The following DLGAP1 variants were observed in gnomAD, a reference collection of about 807,000 sequenced individuals.
DLGAP1 encodes disks large-associated protein 1.
Under a neutral mutation model 90.8 loss-of-function variants are expected in DLGAP1, and 11 were observed. The ratio of observed to expected loss-of-function variants is 0.12; its 90% CI spans 0.08 to 0.20. DLGAP1 has a LOEUF of 0.20. DLGAP1 is among the 10% of genes least tolerant of loss of function. The pLI is 1.00. For synonymous variants in DLGAP1, 558 were observed against 540.7 expected (o/e 1.03, Z -0.44); for missense variants, 1,050 against 1,333.8 (o/e 0.79, Z 3.31).
chr18:4,356,888 C>A (rs765892720), intron 1 of DLGAP1, among the ~76,000 whole-genome samples: 1 of 152,106 alleles, frequency 6.6e-6, no homozygotes, highest in African/African-American at 2.4e-5. Flanking sequence ...CTTTCTAGGA[C>A]GTGCCACATA....
At chr18:3,564,917 A>C (rs2054342586) in intron 9 of DLGAP1, among the ~76,000 whole-genome samples, 1 of 152,164 alleles carries the variant, frequency 6.6e-6, no homozygotes, top group African/African-American at 2.4e-5. Context: ...TTTACTTGCT[A>C]AGATGGAGTG....
intron 4 of DLGAP1, chr18:3,822,036 A>C (rs569570652): frequency 1.0e-6 from 1 of 954,314 alleles, no homozygotes; most frequent in African/African-American, 1.8e-5. Flanking sequence ...AAAAAAAAAA[A>C]AAAAGAGCAA....
At chr18:4,351,580 T>C (rs1396423127) in intron 1 of DLGAP1, among the ~76,000 whole-genome samples, 1 of 152,188 alleles carries the variant, frequency 6.6e-6, no homozygotes, top group Non-Finnish European at 1.5e-5. Flanking sequence ...TTTGAATCCA[T>C]GGCACGTGAA....
At chr18:4,173,397 T>C (rs2077055192) in intron 1 of DLGAP1, among the ~76,000 whole-genome samples, 1 of 152,108 alleles carries the variant, frequency 6.6e-6, no homozygotes. Flanking sequence ...GGCTGAAAGG[T>C]GGGGTCAAAT....
At chr18:3,568,002 G>A (rs112843743) in intron 8 of DLGAP1, among the ~76,000 whole-genome samples, 1,608 of 152,072 alleles carry the variant, frequency 0.011, 26 homozygotes, top group African/African-American at 0.037. Flanking sequence ...GGGTTCAAGG[G>A]ATTCTCCTGC....
intron 2 of DLGAP1, among the ~76,000 whole-genome samples, chr18:4,130,302 T>C (rs937427694): frequency 6.6e-6 from 1 of 152,178 alleles, no homozygotes; most frequent in African/African-American, 2.4e-5. Flanking sequence ...ATACTCATAT[T>C]ACCTCAAGTG....
At chr18:3,930,097 G>A (rs1447329746) in intron 3 of DLGAP1, among the ~76,000 whole-genome samples, 3 of 152,324 alleles carry the variant, frequency 2.0e-5, no homozygotes, top group Middle Eastern at 6.8e-3. Context: ...CCAATTCAAT[G>A]TGTGGGGAAA....
At chr18:4,224,158 GC>G (rs1242225518) in intron 1 of DLGAP1, among the ~76,000 whole-genome samples, 1 of 152,126 alleles carries the variant, frequency 6.6e-6, no homozygotes, top group African/African-American at 2.4e-5. Context: ...TGACTAAAGA[GC>G]TTTTGGCCTC....
intron 4 of DLGAP1, among the ~76,000 whole-genome samples, chr18:3,868,393 G>C (rs2070534801): frequency 6.6e-6 from 1 of 152,132 alleles, no homozygotes; most frequent in African/African-American, 2.4e-5. Context: ...GACTTTAAAA[G>C]GAAAAGTCCT....
At chr18:4,020,274 C>A (rs1013711806) in intron 2 of DLGAP1, among the ~76,000 whole-genome samples, 2 of 152,148 alleles carry the variant, frequency 1.3e-5, no homozygotes, top group Non-Finnish European at 2.9e-5. Flanking sequence ...TTTTAGAGCG[C>A]CTGGCTGAGG....
intron 3 of DLGAP1, among the ~76,000 whole-genome samples, chr18:3,887,883 C>T (rs1357687054): frequency 4.6e-5 from 7 of 151,782 alleles, no homozygotes; most frequent in African/African-American, 1.5e-4. Context: ...CCGAGGTGGG[C>T]GGATCATGAG....
At chr18:3,850,435 A>G (rs1374791926) in intron 4 of DLGAP1, among the ~76,000 whole-genome samples, 3 of 152,110 alleles carry the variant, frequency 2.0e-5, no homozygotes, top group Non-Finnish European at 4.4e-5. Flanking sequence ...AAATATTATA[A>G]GATCCATTAG....
rs1204469307 is a variant in DLGAP1 at position 3,581,823 on chromosome 18, C to G, written c.1965+52G>C. The G allele has an allele frequency of 1.9e-6, 3 of 1,590,668 alleles. No homozygotes were observed. The South Asian group carries it at 3.4e-5, about 18-fold the overall frequency. Reference sequence around the variant, plus strand: ...TCTTCCGGGGAAACAAAAAGTGTTACATTCCTTAGTTTTAAGTTCCTATTT... The same window carrying G: ...TCTTCCGGGGAAACAAAAAGTGTTAGATTCCTTAGTTTTAAGTTCCTATTT... On this transcript the variant is annotated intron_variant, in intron 8 of 12. Transcript: ENST00000315677.
intron 7 of DLGAP1, among the ~76,000 whole-genome samples, chr18:3,661,588 T>C (rs1002430183): frequency 1.6e-4 from 21 of 128,362 alleles, no homozygotes; most frequent in African/African-American, 7.0e-4. Context: ...TTTTTTTTTT[T>C]TTTTTTGAGA....
chr18:4,058,415 A>G (rs2075253414), intron 2 of DLGAP1, among the ~76,000 whole-genome samples: 3 of 152,122 alleles, frequency 2.0e-5, no homozygotes, highest in African/African-American at 7.2e-5. Context: ...ATGATTTACC[A>G]TATACTTTTT....
chr18:3,858,505 T>C (rs7505659), intron 4 of DLGAP1, among the ~76,000 whole-genome samples: 247 of 148,996 alleles, frequency 1.7e-3, no homozygotes, highest in African/African-American at 5.7e-3. Context: ...TATATATACA[T>C]ATATATACAC....
At chr18:4,310,323 T>A (rs755976482) in intron 1 of DLGAP1, among the ~76,000 whole-genome samples, 1 of 152,196 alleles carries the variant, frequency 6.6e-6, no homozygotes, top group Non-Finnish European at 1.5e-5. Flanking sequence ...CATATGTGCA[T>A]ATGCTCAACG....
intron 1 of DLGAP1, among the ~76,000 whole-genome samples, chr18:4,445,307 T>TTTTA (rs2083634114): frequency 6.6e-6 from 1 of 151,654 alleles, no homozygotes; most frequent in Admixed American, 6.6e-5. Context: ...TCTTTTTTTT[T>TTTTA]TTATTATACT....
At chr18:4,272,871 G>A (rs1038278642) in intron 1 of DLGAP1, among the ~76,000 whole-genome samples, 1 of 152,124 alleles carries the variant, frequency 6.6e-6, no homozygotes, top group Non-Finnish European at 1.5e-5. Context: ...CCAACGACAG[G>A]TATCCTTACA....
Sources: gnomAD v4.1 joint callset for allele counts (sites outside exome capture counted in the v4.1 genomes callset) on GRCh38, gnomAD v4.1.1 for gene constraint, MANE v1.5 for transcripts, NCBI Gene and HGNC (gene_info 2026-07-23, HGNC 2026-07-21) for gene names.